The following ERG variants were observed in gnomAD, a reference collection of about 807,000 sequenced individuals.
ERG encodes the protein ETS transcription factor ERG.
A neutral mutation model predicts 55.3 loss-of-function variants in ERG; 9 were observed. The ratio of observed to expected loss-of-function variants is 0.16; its 90% CI spans 0.10 to 0.28. The LOEUF is 0.28. ERG is among the 10% of genes least tolerant of loss of function. ERG has a pLI of 1.00. For missense variants in ERG, 434 were observed against 631.6 expected, an observed-to-expected ratio of 0.69 and a Z score of 3.35; for synonymous variants, 223 against 237.3, an observed-to-expected ratio of 0.94 and a Z score of 0.55.
At chr21:38,473,800 G>GTA (rs2146629744) in intron 1 of ERG, among the ~76,000 whole-genome samples, 1 of 152,232 alleles carries the variant, frequency 6.6e-6, no homozygotes, top group African/African-American at 2.4e-5. Context: ...ATATATGTGT[G>GTA]TGTGTGTGTA....
At chr21:38,619,325 T>C (rs1843990080) in intron 1 of ERG, among the ~76,000 whole-genome samples, 1 of 152,116 alleles carries the variant, frequency 6.6e-6, no homozygotes, top group African/African-American at 2.4e-5. Flanking sequence ...CTCTGAGACA[T>C]TTCCTCATCC....
chr21:38,498,351 C>A lies in ERG; in HGVS notation c.18+12G>T. ...CAAGATTTTGTCAAATTAAAAGGAA[C>A]CCTTTCCTTACCTTAATAGTGCTGG... On this transcript the variant is annotated intron_variant, in intron 1 of 9. Coordinates refer to ENST00000288319, the MANE Select transcript of ERG (RefSeq NM_182918.4). This position sits in a 1 kb window ranked among gnomAD's most constrained non-coding sequence, Gnocchi z 4.6. 3 of 1,600,214 alleles carry A rather than the reference C, an allele frequency of 1.9e-6. No individual in the cohort carries two copies. Among genetic ancestry groups the A allele is most frequent in the Admixed American group, 1.7e-5 (1 of 59,532 alleles).
Position 38,506,480 on chromosome 21 carries a change from A to G in ERG, c.-41+69182T>C, listed in dbSNP as rs1415338870. ...GTGTAGTATTTTGGAATATGCATGG[A>G]GTATAGCACTTCTAAAAATGGTACT... On this transcript the variant is annotated intron_variant, in intron 2 of 8. Coordinates refer to the ERG transcript ENST00000398897. Among the ~76,000 whole-genome samples the G allele has an allele frequency of 2.0e-5, 3 of 152,326 alleles. No individual in the cohort carries two copies. In the East Asian group the frequency reaches 5.8e-4, roughly 29 times the overall value.
chr21:38,485,218 T>C (rs1049338267), intron 1 of ERG, among the ~76,000 whole-genome samples: 5 of 149,256 alleles, frequency 3.3e-5, no homozygotes, highest in Non-Finnish European at 7.4e-5. Context: ...TGTATGTGTT[T>C]GTGTCTTAGT....
chr21:38,509,444 T>C (rs1256097739), intron 2 of ERG, among the ~76,000 whole-genome samples: 1 of 152,210 alleles, frequency 6.6e-6, no homozygotes. Context: ...ATTACAACAG[T>C]ATTTTGACCC....
At chr21:38,391,831 T>G (rs1185180924) in intron 7 of ERG, 116 bp from the exon 8 acceptor site, 7 of 798,086 alleles carry the variant, frequency 8.8e-6, no homozygotes, top group Non-Finnish European at 1.2e-5. Flanking sequence ...ATAGTCTAAC[T>G]CAGAAGCATC....
In ERG at chr21:38,592,011, G is replaced by A. The variant is rs144538842; in HGVS notation, c.-149-7066C>T. On this transcript the variant is annotated intron_variant, in intron 1 of 10. Transcript: ENST00000398910. ...AGGGCACTTAAGGACGTTACTGTCTGGGGAAGAGGTAGAGGAAATGCCATG... is the reference window on the plus strand; with the variant it reads ...AGGGCACTTAAGGACGTTACTGTCTAGGGAAGAGGTAGAGGAAATGCCATG... 2.0e-4 allele frequency among the ~76,000 whole-genome samples: 31 copies of A among 152,332 alleles called. No individual in the cohort carries two copies. In the East Asian group the frequency reaches 5.8e-3, roughly 28 times the overall value.
intron 3 of ERG, among the ~76,000 whole-genome samples, chr21:38,420,408 C>T (rs1225411338): frequency 6.6e-6 from 1 of 152,158 alleles, no homozygotes; most frequent in African/African-American, 2.4e-5. Context: ...CCACAACTAG[C>T]TCTCTTACAA....
intron 3 of ERG, among the ~76,000 whole-genome samples, chr21:38,409,092 C>T (rs1331735788): frequency 1.3e-5 from 2 of 152,102 alleles, no homozygotes; most frequent in Non-Finnish European, 2.9e-5. Flanking sequence ...CTATATGCAC[C>T]AGTACTATGG....
intron 1 of ERG, among the ~76,000 whole-genome samples, chr21:38,653,546 C>T (rs1275261108): frequency 6.6e-6 from 1 of 152,222 alleles, no homozygotes; most frequent in South Asian, 2.1e-4. Flanking sequence ...GGATGCTCCT[C>T]TCTTCAGCTA....
chr21:38,624,037 G>T (rs2146947289), intron 1 of ERG, among the ~76,000 whole-genome samples: 1 of 152,270 alleles, frequency 6.6e-6, no homozygotes, highest in Admixed American at 6.5e-5. Flanking sequence ...ATTTATTAAA[G>T]CATCTCGGCC....
At position 38,426,251 on chromosome 21, in the gene ERG, GCT is replaced by G. The variant is rs546689201; in HGVS notation, c.237-2692_237-2691del. On this transcript the variant is annotated intron_variant, in intron 2 of 9. Transcript: ENST00000288319. ...TTTCCTCTTGATGCTATTTTTCCTGGCTTCACACATTTATCTCTAAAAGACCC... is the reference window on the plus strand; with the variant it reads ...TTTCCTCTTGATGCTATTTTTCCTGGTCACACATTTATCTCTAAAAGACCC... 6.6e-5 allele frequency among the ~76,000 whole-genome samples: 10 copies of G among 152,128 alleles called. No homozygotes were observed. In the South Asian group the frequency reaches 8.3e-4, roughly 13 times the overall value.
chr21:38,508,341 T>C (rs1044966765), intron 2 of ERG, among the ~76,000 whole-genome samples: 11 of 152,028 alleles, frequency 7.2e-5, no homozygotes, highest in East Asian at 1.9e-4. Flanking sequence ...CTGTATCTTA[T>C]GGGATTTCCG....
At chr21:38,648,333 C>A (rs866835551) in intron 1 of ERG, among the ~76,000 whole-genome samples, 1 of 152,154 alleles carries the variant, frequency 6.6e-6, no homozygotes, top group African/African-American at 2.4e-5. Context: ...CGCATGTTGT[C>A]CTGACCAGTG....
At chr21:38,534,167 T>C (rs1310987436) in intron 2 of ERG, among the ~76,000 whole-genome samples, 3 of 152,240 alleles carry the variant, frequency 2.0e-5, no homozygotes, top group Non-Finnish European at 2.9e-5. Flanking sequence ...GATAAGGGTC[T>C]GCTCTGAGCT....
At chr21:38,419,540 A>T (rs1989442556) in intron 3 of ERG, among the ~76,000 whole-genome samples, 1 of 151,778 alleles carries the variant, frequency 6.6e-6, no homozygotes. Context: ...CGTGCGTGTA[A>T]ACCTCACTCC....
intron 2 of ERG, among the ~76,000 whole-genome samples, chr21:38,442,573 T>C (rs17285134): frequency 0.023 from 3,438 of 152,276 alleles, 67 homozygotes; most frequent in South Asian, 0.09. Flanking sequence ...GTCTTTCTTA[T>C]GGACTGAAGC....
intron 1 of ERG, among the ~76,000 whole-genome samples, chr21:38,651,398 G>C (rs2060487973): frequency 1.3e-5 from 2 of 152,136 alleles, no homozygotes; most frequent in Non-Finnish European, 2.9e-5. Flanking sequence ...ATTCGGCATG[G>C]TGGCCACTAG....
At chr21:38,432,258 C>G (rs1022946569) in intron 2 of ERG, among the ~76,000 whole-genome samples, 1 of 152,020 alleles carries the variant, frequency 6.6e-6, no homozygotes, top group Admixed American at 6.6e-5. Context: ...CCACACCCAG[C>G]TGTTTTTTAA....
Sources: allele counts gnomAD v4.1 joint callset (sites outside exome capture counted in the v4.1 genomes callset), GRCh38; gene constraint gnomAD v4.1.1; non-coding constraint Gnocchi (gnomAD v3.1); transcripts MANE v1.5; gene names NCBI Gene and HGNC (gene_info 2026-07-23, HGNC 2026-07-21).